CACNA1D: variants seen among roughly 807,000 people sequenced by gnomAD.
The protein encoded by CACNA1D is voltage-dependent L-type calcium channel subunit alpha-1D.
Under a neutral mutation model 257.1 loss-of-function variants are expected in CACNA1D, and 55 were observed. That is an observed-to-expected ratio of 0.21 (90% CI 0.17 to 0.27). The LOEUF is 0.27. Ranked by LOEUF, CACNA1D falls within the 10% of genes least tolerant of loss-of-function variation. The probability of loss-of-function intolerance (pLI) is 1.00; values close to 1 mark genes in which losing one functional copy is unlikely to be tolerated. For missense variants in CACNA1D, 1,876 were observed against 2,784.0 expected (o/e 0.67, Z 7.34); for synonymous variants, 980 against 1,014.9 (o/e 0.97, Z 0.65).
rs1030094393 is a variant in CACNA1D, at chr3:53,751,639, G to A, written c.3517-110G>A. ...CGTAATCATTTTCACCATCGTCCAC[G>A]GCCCCTTCCCGGGAGCTGTAGGGTG... On this transcript the variant is annotated intron_variant, in intron 27 of 47. Coordinates refer to ENST00000350061, the MANE Select transcript of CACNA1D (RefSeq NM_001128840.3). This position sits in a 1 kb window ranked among gnomAD's most constrained non-coding sequence, Gnocchi z 4.3. 1.8e-5 allele frequency: 19 copies of A among 1,084,180 alleles called. No individual in the cohort carries two copies. The highest frequency in any genetic ancestry group is 2.5e-5 in the South Asian group (2 of 80,004). 67.2% of individuals were successfully genotyped at this position (1,084,180 alleles called of 1,614,324 possible).
chr3:53,665,743 A>G lies in CACNA1D; in HGVS notation c.850A>G (p.Ile284Val). The part of the protein sequence containing the change: ...IALLVLFVII[I>V]YAIIGLELFI... ...CCTTTTGGTATTATTTGTAATCATA[A>G]TCTATGCTATTATAGGATTGGAACT... The change falls in exon 6 of 48, where the codon ATC becomes GTC. Residue 284 changes from isoleucine (I) to valine (V), a missense_variant. Coordinates refer to ENST00000350061, the MANE Select transcript of CACNA1D (RefSeq NM_001128840.3). 6.2e-7 allele frequency: 1 copy of G among 1,608,170 alleles called. No homozygotes were observed. Among genetic ancestry groups the G allele is most frequent in the Non-Finnish European group, 8.5e-7 (1 of 1,174,734 alleles).
At chr3:53,796,448 G>A (rs1461726951) in intron 40 of CACNA1D, 4 of 453,874 alleles carry the variant, frequency 8.8e-6, no homozygotes, top group South Asian at 3.1e-5. Flanking sequence ...TTGCTGTGGC[G>A]CTGTGAGGGC....
intron 8 of CACNA1D, among the ~76,000 whole-genome samples, chr3:53,681,332 C>T (rs1329291882): frequency 6.6e-6 from 1 of 152,192 alleles, no homozygotes; most frequent in African/African-American, 2.4e-5. Context: ...GACATTGTTC[C>T]ACAGCTCTCT....
At chr3:53,684,773 A>G (rs2094460883) in intron 8 of CACNA1D, among the ~76,000 whole-genome samples, 2 of 152,196 alleles carry the variant, frequency 1.3e-5, no homozygotes, top group African/African-American at 2.4e-5. Context: ...ATAACCATAC[A>G]CAGAAGATAG....
At chr3:53,648,618 G>A (rs2094048848) in intron 3 of CACNA1D, among the ~76,000 whole-genome samples, 1 of 152,100 alleles carries the variant, frequency 6.6e-6, no homozygotes, top group Non-Finnish European at 1.5e-5. Context: ...AATCTGGACA[G>A]TAAGCAAGGA....
rs182813348 is a variant in CACNA1D at position 53,795,084 on chromosome 3, C to T, written c.4924-5165C>T. On this transcript the variant is annotated intron_variant, in intron 40 of 47. Transcript: ENST00000350061. ...TGGAGCTGCCTGTGTCCCCATTCGT[C>T]TAGCATGGCCGAGTCTTGCGGCCTG... 2.4e-4 allele frequency among the ~76,000 whole-genome samples: 36 copies of T among 152,350 alleles called. No individual in the cohort carries two copies. The East Asian group carries it at 6.7e-3, about 29-fold the overall frequency.
At chr3:53,540,449 G>T (rs1460698405) in intron 3 of CACNA1D, among the ~76,000 whole-genome samples, 1 of 151,842 alleles carries the variant, frequency 6.6e-6, no homozygotes, top group East Asian at 1.9e-4. Flanking sequence ...AAATTTTATT[G>T]TAGGACGTCT....
chr3:53,772,155 T>G (rs558794094), intron 32 of CACNA1D, among the ~76,000 whole-genome samples: 2 of 152,332 alleles, frequency 1.3e-5, no homozygotes, highest in South Asian at 4.1e-4. Flanking sequence ...GTACTTGTAT[T>G]TGGTGTTTAT....
intron 29 of CACNA1D, among the ~76,000 whole-genome samples, chr3:53,761,003 C>A (rs1385310087): frequency 6.6e-6 from 1 of 152,194 alleles, no homozygotes; most frequent in Non-Finnish European, 1.5e-5. Flanking sequence ...TCAGCGTCAG[C>A]CTGAGGGAGT....
chr3:53,773,024 C>A, intron 33 of CACNA1D, 126 bp downstream of exon 33: 1 of 827,266 alleles, frequency 1.2e-6, no homozygotes, highest in Non-Finnish European at 2.0e-6. Context: ...TCTGCTGAAG[C>A]CTAGGAAGAT....
At chr3:53,631,115 A>G (rs1162577417) in intron 3 of CACNA1D, among the ~76,000 whole-genome samples, 2 of 152,210 alleles carry the variant, frequency 1.3e-5, no homozygotes, top group African/African-American at 2.4e-5. Context: ...ATTTCTTAAA[A>G]CAAGGAAGTT....
chr3:53,517,475 TTTTC>T (rs1476002445), intron 3 of CACNA1D, among the ~76,000 whole-genome samples: 29 of 150,840 alleles, frequency 1.9e-4, no homozygotes, highest in South Asian at 4.3e-4. Flanking sequence ...TTTCTTTTCC[TTTTC>T]TTTCTTTCTT....
intron 3 of CACNA1D, among the ~76,000 whole-genome samples, chr3:53,648,862 A>C (rs2094053986): frequency 6.7e-6 from 1 of 150,176 alleles, no homozygotes; most frequent in African/African-American, 2.5e-5. Context: ...ACACACACAC[A>C]ATTCGTTCAC....
At chr3:53,653,888 C>A (rs1258978478) in intron 4 of CACNA1D, among the ~76,000 whole-genome samples, 2 of 151,990 alleles carry the variant, frequency 1.3e-5, no homozygotes, top group Non-Finnish European at 2.9e-5. Context: ...TCAAGCACAT[C>A]ATAATTGTAA....
intron 3 of CACNA1D, among the ~76,000 whole-genome samples, chr3:53,649,069 G>A (rs1172103279): frequency 2.0e-5 from 3 of 152,158 alleles, no homozygotes; most frequent in East Asian, 1.9e-4. Flanking sequence ...CCTGTGGCAC[G>A]ACAAAGGGAT....
rs962326569 is a variant in CACNA1D at position 53,774,530 on chromosome 3, G to A, written c.4111-57G>A. On this transcript the variant is annotated intron_variant, in intron 33 of 47. Transcript: ENST00000350061. This position sits in a 1 kb window ranked among gnomAD's most constrained non-coding sequence, Gnocchi z 4.3. ...CTGAGTTAGTTCTAAATTCACATAC[G>A]GATTTTTTTTGCATGACGAAATCTA... 6.7e-6 allele frequency: 7 copies of A among 1,046,280 alleles called. No individual in the cohort carries two copies. The highest frequency in any genetic ancestry group is 6.2e-5 in the African/African-American group (4 of 64,100). The allele number at this position is 1,046,280 out of a possible 1,614,324, so 64.8% of individuals were successfully genotyped here. A position where few individuals can be genotyped will look rare whatever the true frequency, so the allele number is the denominator to read the frequency against.
chr3:53,762,204 A>G, intron 30 of CACNA1D, 123 bp downstream of exon 30: 2 of 746,488 alleles, frequency 2.7e-6, no homozygotes, highest in Non-Finnish European at 4.9e-6. Flanking sequence ...TTGATCTGAA[A>G]CTAGGATTTC....
chr3:53,716,922 T>C (rs1476336573), intron 9 of CACNA1D, among the ~76,000 whole-genome samples: 2 of 152,212 alleles, frequency 1.3e-5, no homozygotes, highest in Admixed American at 1.3e-4. Flanking sequence ...CTTTATGAAG[T>C]CTGCTATGAG....
At chr3:53,733,179 G>A (rs1007182615) in intron 19 of CACNA1D, among the ~76,000 whole-genome samples, 4 of 152,188 alleles carry the variant, frequency 2.6e-5, no homozygotes, top group African/African-American at 9.7e-5. Context: ...CCTTCCCACA[G>A]GGGTGTGGCC....
Sources: allele counts gnomAD v4.1 joint callset (sites outside exome capture counted in the v4.1 genomes callset), GRCh38; gene constraint gnomAD v4.1.1; non-coding constraint Gnocchi (gnomAD v3.1); transcripts MANE v1.5; gene names NCBI Gene and HGNC (gene_info 2026-07-23, HGNC 2026-07-21).